The following ARK2N variants were observed in gnomAD, a reference collection of about 807,000 sequenced individuals.
The protein encoded by ARK2N is arkadia (RNF111) N-terminal like PKA signaling regulator 2N.
At chr18:46,199,883 A>G in the ARK2N span, among the ~76,000 whole-genome samples, 1 of 152,156 alleles carries the variant, frequency 6.6e-6, no homozygotes, top group Non-Finnish European at 1.5e-5. Context: ...GTTAGAGGCA[A>G]CAAGAACTAA....
chr18:46,255,415 C>CT, the ARK2N span, among the ~76,000 whole-genome samples: 1 of 133,912 alleles, frequency 7.5e-6, no homozygotes, highest in Non-Finnish European at 1.6e-5. Flanking sequence ...TTTTTCTTTT[C>CT]TTTTCTTTTC....
chr18:46,207,097 A>G, the ARK2N span, among the ~76,000 whole-genome samples: 4 of 152,238 alleles, frequency 2.6e-5, no homozygotes, highest in African/African-American at 7.2e-5. Context: ...ATTTCAGTGT[A>G]CACATAAGTG....
At chr18:46,198,310 CAA>C in the ARK2N span, among the ~76,000 whole-genome samples, 363 of 69,126 alleles carry the variant, frequency 5.3e-3, 1 homozygote, top group African/African-American at 0.018. Flanking sequence ...ACTCCATCTC[CAA>C]AAAAAAAAAA....
the ARK2N span, among the ~76,000 whole-genome samples, chr18:46,182,477 C>CT: frequency 1.3e-5 from 2 of 152,124 alleles, no homozygotes; most frequent in Non-Finnish European, 2.9e-5. Flanking sequence ...GGCATGGTAG[C>CT]TCACACCTGT....
chr18:46,221,800 A>T, the ARK2N span, among the ~76,000 whole-genome samples: 1 of 152,172 alleles, frequency 6.6e-6, no homozygotes, highest in South Asian at 2.1e-4. Flanking sequence ...CCAAACCCAC[A>T]TAGTGAATCC....
chr18:46,180,608 A>C, the ARK2N span, among the ~76,000 whole-genome samples: 10 of 152,066 alleles, frequency 6.6e-5, no homozygotes, highest in Admixed American at 2.0e-4. Flanking sequence ...CAGGAGGCTG[A>C]GGCAGGAGAA....
At chr18:46,200,719 G>A in the ARK2N span, among the ~76,000 whole-genome samples, 2 of 152,156 alleles carry the variant, frequency 1.3e-5, no homozygotes, top group Admixed American at 6.6e-5. Flanking sequence ...GCAAAGCATT[G>A]CATTGGAACT....
At chr18:46,263,823 A>C in the ARK2N span, 1 of 152,758 alleles carries the variant, frequency 6.5e-6, no homozygotes, top group South Asian at 2.1e-4. Context: ...CTCCTTTGAG[A>C]CAGAGGCATT....
chr18:46,246,002 A>G, the ARK2N span, among the ~76,000 whole-genome samples: 3 of 152,240 alleles, frequency 2.0e-5, no homozygotes, highest in Admixed American at 2.0e-4. Flanking sequence ...AGAGACCTAC[A>G]CAGAGACAGC....
chr18:46,213,076 A>G, the ARK2N span, among the ~76,000 whole-genome samples: 1 of 130,792 alleles, frequency 7.6e-6, no homozygotes, highest in Non-Finnish European at 1.5e-5. Context: ...ACCTCGGCTC[A>G]CTGCAAGCTC....
chr18:46,248,422 T>C, the ARK2N span, among the ~76,000 whole-genome samples: 1 of 151,982 alleles, frequency 6.6e-6, no homozygotes, highest in Non-Finnish European at 1.5e-5. Context: ...GGGGATAAGA[T>C]GGCAAAAAAT....
chr18:46,248,514 C>T, the ARK2N span, among the ~76,000 whole-genome samples: 1 of 152,128 alleles, frequency 6.6e-6, no homozygotes, highest in Admixed American at 6.6e-5. Context: ...CACTGGTTTT[C>T]CTTCTACCCC....
the ARK2N span, among the ~76,000 whole-genome samples, chr18:46,212,184 A>C: frequency 6.6e-6 from 1 of 152,332 alleles, no homozygotes; most frequent in South Asian, 2.1e-4. Flanking sequence ...TGACCCAAAG[A>C]GTAGTCTAGT....
chr18:46,245,574 A>T, the ARK2N span, among the ~76,000 whole-genome samples: 4 of 43,740 alleles, frequency 9.1e-5, no homozygotes, highest in Non-Finnish European at 3.2e-4. Flanking sequence ...CTGTCTCAAT[A>T]AAAAAAAAAA....
At chr18:46,187,862 T>G in the ARK2N span, among the ~76,000 whole-genome samples, 1 of 152,138 alleles carries the variant, frequency 6.6e-6, no homozygotes, top group East Asian at 1.9e-4. Context: ...GTTTTTGGGT[T>G]TTCAAGCTAA....
the ARK2N span, among the ~76,000 whole-genome samples, chr18:46,175,199 T>G: frequency 1.6e-5 from 2 of 126,562 alleles, no homozygotes; most frequent in Admixed American, 2.0e-4. Flanking sequence ...GTACGAGCCC[T>G]ACCAGATCCT....
the ARK2N span, chr18:46,240,139 G>A: frequency 1.2e-6 from 2 of 1,614,180 alleles, no homozygotes; most frequent in Non-Finnish European, 1.7e-6. Context: ...GGACACAGGA[G>A]CTACCTGGAG....
chr18:46,190,043 T>TTAG, the ARK2N span, among the ~76,000 whole-genome samples: 5 of 152,216 alleles, frequency 3.3e-5, no homozygotes, highest in Admixed American at 2.0e-4. Flanking sequence ...TATATCTATC[T>TTAG]AAATATATTT....
chr18:46,184,033 C>A, the ARK2N span, among the ~76,000 whole-genome samples: 1 of 151,718 alleles, frequency 6.6e-6, no homozygotes, highest in African/African-American at 2.4e-5. Context: ...CAGTGTCACC[C>A]GGGCTGGTGT....
Sources: gnomAD v4.1 joint callset for allele counts (sites outside exome capture counted in the v4.1 genomes callset) on GRCh38, gnomAD v4.1.1 for gene constraint, MANE v1.5 for transcripts, NCBI Gene and HGNC (gene_info 2026-07-23, HGNC 2026-07-21) for gene names.